NCKAP5: variants seen among roughly 807,000 people sequenced by gnomAD.
NCKAP5 encodes the protein nck-associated protein 5.
A neutral mutation model predicts 167.0 loss-of-function variants in NCKAP5; 92 were observed. The ratio of observed to expected loss-of-function variants is 0.55; its 90% CI spans 0.47 to 0.66. The LOEUF is 0.66. NCKAP5 is among the 30% of genes least tolerant of loss of function. The pLI is 0.00. For synonymous variants in NCKAP5, 891 were observed against 877.4 expected, an observed-to-expected ratio of 1.02 and a Z score of -0.27; for missense variants, 2,378 against 2,315.0, an observed-to-expected ratio of 1.03 and a Z score of -0.56.
chr2:132,784,006 C>A lies in NCKAP5; in HGVS notation c.2805G>T (p.Arg935Ser), dbSNP rs749784294. 21 of 1,585,998 alleles carry A rather than the reference C, an allele frequency of 1.3e-5. 1 individual carries two copies. Among genetic ancestry groups the A allele is most frequent in the Non-Finnish European group, 1.8e-5 (21 of 1,168,604 alleles). The change falls in exon 14 of 20, where the codon AGG (arginine) becomes AGT (serine). Residue 935 changes from arginine to serine, a missense_variant. Around this residue, in one of 3 missense-constraint regions of NCKAP5, gnomAD observed 1,325 missense variants for 1,274.5 expected, o/e 1.04. Transcript: ENST00000409261. ...KSPSPPPPPGRSVSLLARPSY... is the reference protein window; with the variant it reads ...KSPSPPPPPGSSVSLLARPSY... ...TGGGCCTGGCCAGCAGGGAGACGGA[C>A]CTGCCTGGAGGGGGCGGAGGGGAAG...
chr2:133,350,306 A>T (rs920871429), intron 3 of NCKAP5, among the ~76,000 whole-genome samples: 2 of 152,156 alleles, frequency 1.3e-5, no homozygotes, highest in African/African-American at 4.8e-5. Context: ...CTAGTTACTC[A>T]GGAAGCTGAG....
intron 7 of NCKAP5, among the ~76,000 whole-genome samples, chr2:132,966,932 A>G (rs1162228368): frequency 6.6e-6 from 1 of 152,216 alleles, no homozygotes; most frequent in Non-Finnish European, 1.5e-5. Context: ...CAAACAGGAT[A>G]CTAGTTTATT....
chr2:133,037,731 G>T (rs2079084470), intron 6 of NCKAP5, among the ~76,000 whole-genome samples: 1 of 152,068 alleles, frequency 6.6e-6, no homozygotes, highest in Admixed American at 6.6e-5. Context: ...ACATTGTTCT[G>T]GTCAAACAAT....
intron 5 of NCKAP5, among the ~76,000 whole-genome samples, chr2:133,197,913 G>A (rs2085510416): frequency 6.6e-6 from 1 of 151,990 alleles, no homozygotes; most frequent in Non-Finnish European, 1.5e-5. Flanking sequence ...TCGTGCCACT[G>A]CACTCCAGCC....
rs549238431 is a variant in NCKAP5, at chr2:133,535,963, C to T, written c.-61-18376G>A. ...TCTTTTGAAAAATGTCTGTTCACCT[C>T]CTTTGGCCACTTTCTAATGCAGTTG... is the stretch of plus-strand genomic sequence containing the variant. On this transcript the variant is annotated intron_variant, in intron 2 of 19. Transcript: ENST00000409261. Among the ~76,000 whole-genome samples, 117 of 152,190 alleles carry T rather than the reference C, an allele frequency of 7.7e-4. 1 individual carries two copies. The highest frequency in any genetic ancestry group is 2.6e-3 in the African/African-American group (110 of 41,540).
At chr2:132,698,886 A>C (rs534473870) in intron 19 of NCKAP5, among the ~76,000 whole-genome samples, 2 of 152,100 alleles carry the variant, frequency 1.3e-5, no homozygotes, top group Non-Finnish European at 2.9e-5. Context: ...GTAAGGCCCT[A>C]CCCAGATCCA....
At chr2:133,121,521 T>C (rs2082251380) in intron 6 of NCKAP5, among the ~76,000 whole-genome samples, 1 of 152,216 alleles carries the variant, frequency 6.6e-6, no homozygotes, top group Non-Finnish European at 1.5e-5. Flanking sequence ...CACCTTAGAA[T>C]TATTCCTTAA....
the NCKAP5 span, among the ~76,000 whole-genome samples, chr2:133,616,030 A>G: frequency 2.0e-5 from 3 of 150,928 alleles, no homozygotes; most frequent in South Asian, 6.4e-4. Flanking sequence ...TGGAAACTGA[A>G]CAACCTGCTC....
At chr2:132,786,193 TCC>T (rs1683553297) in intron 13 of NCKAP5, among the ~76,000 whole-genome samples, 1 of 152,202 alleles carries the variant, frequency 6.6e-6, no homozygotes. Context: ...GGAAATGTTT[TCC>T]AGGTGGGAGA....
intron 8 of NCKAP5, among the ~76,000 whole-genome samples, chr2:132,917,149 G>T (rs1047697197): frequency 6.6e-6 from 1 of 152,194 alleles, no homozygotes; most frequent in African/African-American, 2.4e-5. Context: ...AAGATATGCA[G>T]TGACTTGTCC....
intron 7 of NCKAP5, among the ~76,000 whole-genome samples, chr2:132,988,362 T>C (rs2077351648): frequency 6.7e-6 from 1 of 148,890 alleles, no homozygotes; most frequent in African/African-American, 2.5e-5. Flanking sequence ...CTTGGGAGGC[T>C]GAGGCAGGGG....
chr2:133,308,872 G>C (rs572946329), intron 3 of NCKAP5, among the ~76,000 whole-genome samples: 1 of 149,322 alleles, frequency 6.7e-6, no homozygotes, highest in African/African-American at 2.5e-5. Context: ...CACCGCGCCC[G>C]GCTAATTTTT....
chr2:132,956,876 C>T (rs1468975282), intron 8 of NCKAP5, among the ~76,000 whole-genome samples: 1 of 152,150 alleles, frequency 6.6e-6, no homozygotes, highest in Non-Finnish European at 1.5e-5. Flanking sequence ...CTTCACCTTC[C>T]ATTTTCCTCC....
At chr2:133,535,140 G>A (rs959321994) in intron 2 of NCKAP5, among the ~76,000 whole-genome samples, 5 of 152,078 alleles carry the variant, frequency 3.3e-5, no homozygotes, top group African/African-American at 4.8e-5. Flanking sequence ...GTTTTAAAGG[G>A]TTATGTAAAA....
At chr2:132,947,684 T>C (rs941633096) in intron 8 of NCKAP5, among the ~76,000 whole-genome samples, 2 of 152,168 alleles carry the variant, frequency 1.3e-5, no homozygotes, top group African/African-American at 4.8e-5. Context: ...AGGTGAAATG[T>C]GGCTCACTGT....
chr2:132,710,927 A>C (rs1688778183), intron 19 of NCKAP5, among the ~76,000 whole-genome samples: 2 of 152,208 alleles, frequency 1.3e-5, no homozygotes, highest in African/African-American at 4.8e-5. Context: ...AGGTACTAGA[A>C]ATATTGTTTC....
chr2:133,634,561 C>CA, the NCKAP5 span, among the ~76,000 whole-genome samples: 1 of 152,140 alleles, frequency 6.6e-6, no homozygotes, highest in Non-Finnish European at 1.5e-5. Flanking sequence ...TTAAAATTTG[C>CA]AAGCTAGGGT....
chr2:133,167,684 A>G (rs957498370), intron 5 of NCKAP5, among the ~76,000 whole-genome samples: 1 of 152,230 alleles, frequency 6.6e-6, no homozygotes, highest in Admixed American at 6.5e-5. Context: ...ATTAGCTTCT[A>G]GTTCCAGCTT....
chr2:133,613,931 C>T, the NCKAP5 span, among the ~76,000 whole-genome samples: 3 of 152,272 alleles, frequency 2.0e-5, no homozygotes, highest in East Asian at 5.8e-4. Context: ...CTATATGAGT[C>T]GTTGGAGAGA....
Sources: gnomAD v4.1 joint callset for allele counts (sites outside exome capture counted in the v4.1 genomes callset) on GRCh38, gnomAD v4.1.1 for gene constraint, gnomAD v4.1.1 regional missense constraint, MANE v1.5 for transcripts, NCBI Gene and HGNC (gene_info 2026-07-23, HGNC 2026-07-21) for gene names.